Variants in CAPZB observed in about 807,000 individuals in gnomAD.
The protein encoded by CAPZB is F-actin-capping protein subunit beta.
CAPZB carries 2 observed loss-of-function variants against 38.1 expected under a neutral mutation model. The observed-to-expected ratio is 0.05, with a 90% CI of 0.02 to 0.17. CAPZB has a LOEUF of 0.17. CAPZB is among the 10% of genes least tolerant of loss of function. The probability of loss-of-function intolerance (pLI) is 1.00; values close to 1 mark genes in which losing one functional copy is unlikely to be tolerated. For synonymous variants in CAPZB, 107 were observed against 127.4 expected, an observed-to-expected ratio of 0.84 and a Z score of 1.08; for missense variants, 161 against 334.2, an observed-to-expected ratio of 0.48 and a Z score of 4.04.
At chr1:19,352,865 G>C (rs992270368) in intron 6 of CAPZB, among the ~76,000 whole-genome samples, 3 of 152,274 alleles carry the variant, frequency 2.0e-5, no homozygotes, top group African/African-American at 7.2e-5. Context: ...GTCTGGCTGT[G>C]TTCTGGCTGG....
chr1:19,413,558 TC>T (rs1219772808), intron 2 of CAPZB, among the ~76,000 whole-genome samples: 4 of 152,140 alleles, frequency 2.6e-5, no homozygotes, highest in African/African-American at 9.7e-5. Context: ...GGTCTCAAAC[TC>T]CTGAGCTCAA....
chr1:19,407,276 T>C (rs1180108961), intron 2 of CAPZB, among the ~76,000 whole-genome samples: 1 of 152,200 alleles, frequency 6.6e-6, no homozygotes, highest in African/African-American at 2.4e-5. Context: ...CACAAGCATT[T>C]TCTGCATCAG....
chr1:19,358,816 G>A (rs11805901), intron 4 of CAPZB, among the ~76,000 whole-genome samples: 1 of 152,230 alleles, frequency 6.6e-6, no homozygotes, highest in African/African-American at 2.4e-5. Flanking sequence ...CGGTGTGGCA[G>A]GTGCATTCTG....
At chr1:19,408,976 A>G (rs1229119420) in intron 2 of CAPZB, among the ~76,000 whole-genome samples, 1 of 152,224 alleles carries the variant, frequency 6.6e-6, no homozygotes, top group Non-Finnish European at 1.5e-5. Flanking sequence ...CCATTTTACC[A>G]AACACTTATG....
intron 3 of CAPZB, among the ~76,000 whole-genome samples, chr1:19,382,056 G>A (rs1464006485): frequency 2.6e-5 from 4 of 152,142 alleles, no homozygotes; most frequent in Middle Eastern, 3.4e-3. Flanking sequence ...CCCACAGTTC[G>A]ATGACAGCCA....
chr1:19,469,889 C>G (rs1266949244), intron 1 of CAPZB, among the ~76,000 whole-genome samples: 1 of 152,118 alleles, frequency 6.6e-6, no homozygotes, highest in African/African-American at 2.4e-5. Context: ...CACAGAACCA[C>G]AAGCCCAGGA....
At chr1:19,411,242 A>G (rs1384596695) in intron 2 of CAPZB, among the ~76,000 whole-genome samples, 4 of 152,220 alleles carry the variant, frequency 2.6e-5, no homozygotes. Context: ...ATTTTTTTCC[A>G]TGTAATTGAA....
Position 19,357,629 on chromosome 1 carries a change from C to G in CAPZB, c.330-66G>C. 6.5e-7 allele frequency: 1 copy of G among 1,546,654 alleles called. No homozygotes were observed. The highest frequency in any genetic ancestry group is 2.3e-5 in the East Asian group (1 of 44,430). On this transcript the variant is annotated intron_variant, in intron 4 of 8. Coordinates refer to ENST00000264202, the MANE Select transcript of CAPZB (RefSeq NM_004930.5). The surrounding 1 kb of genome is among the most constrained non-coding windows in gnomAD (Gnocchi z 4.3). ...ACAGATCATCAGCCTGGGTCCCAGG[C>G]TGCTGCTCAGCAAAGATTCTGGGAT...
At chr1:19,426,448 G>T (rs1460223730) in intron 1 of CAPZB, among the ~76,000 whole-genome samples, 1 of 152,090 alleles carries the variant, frequency 6.6e-6, no homozygotes. Context: ...TGGGGCGGGG[G>T]GGGGCTGTGT....
intron 1 of CAPZB, among the ~76,000 whole-genome samples, chr1:19,422,984 T>G (rs1379078068): frequency 1.3e-5 from 2 of 152,118 alleles, no homozygotes; most frequent in African/African-American, 4.8e-5. Flanking sequence ...AAGACACTGT[T>G]TTAACCCTTC....
chr1:19,396,031 C>A (rs2094266361), intron 2 of CAPZB, among the ~76,000 whole-genome samples: 1 of 152,234 alleles, frequency 6.6e-6, no homozygotes. Flanking sequence ...CCTAAGTCAT[C>A]CTTCAGGGTC....
At chr1:19,360,383 G>A (rs1245753090) in intron 4 of CAPZB, among the ~76,000 whole-genome samples, 2 of 152,188 alleles carry the variant, frequency 1.3e-5, no homozygotes, top group African/African-American at 2.4e-5. Flanking sequence ...CCAATAATCC[G>A]TTCTTTCCTT....
At chr1:19,339,925 T>C (rs1164227011) in intron 8 of CAPZB, among the ~76,000 whole-genome samples, 1 of 152,208 alleles carries the variant, frequency 6.6e-6, no homozygotes, top group African/African-American at 2.4e-5. Context: ...CTAAGTTCAC[T>C]CCTCTGTGTG....
rs529138299 is a variant in CAPZB, at chr1:19,354,915, C to A, written c.588+1720G>T. Among the ~76,000 whole-genome samples the A allele has an allele frequency of 2.0e-5, 3 of 152,258 alleles. No homozygotes were observed. The East Asian group carries it at 5.8e-4, about 29-fold the overall frequency. On this transcript the variant is annotated intron_variant, in intron 6 of 8. Coordinates refer to ENST00000264202, the MANE Select transcript of CAPZB (RefSeq NM_004930.5). The stretch of plus-strand genomic sequence containing the variant: ...TTGGCTGTTCCTCCCTAGCCAATGG[C>A]CCCTGGAAGATAGGAGTCCACTTCC...
chr1:19,372,499 G>C (rs1049259940), intron 4 of CAPZB, among the ~76,000 whole-genome samples: 1 of 152,210 alleles, frequency 6.6e-6, no homozygotes, highest in Non-Finnish European at 1.5e-5. Context: ...CCAGGAACCT[G>C]AAAAATCAAA....
At chr1:19,439,938 C>G (rs1472568) in intron 1 of CAPZB, among the ~76,000 whole-genome samples, 26,596 of 152,172 alleles carry the variant, frequency 0.17, 2,637 homozygotes, top group South Asian at 0.29. Context: ...TCCAGAACCT[C>G]AGCAGTCTCT....
chr1:19,429,555 G>A (rs549607932), intron 1 of CAPZB, among the ~76,000 whole-genome samples: 2 of 152,212 alleles, frequency 1.3e-5, no homozygotes, highest in African/African-American at 4.8e-5. Flanking sequence ...TCTACCTCAC[G>A]GGCCACTGGG....
At chr1:19,435,355 C>CA (rs60273953) in intron 1 of CAPZB, among the ~76,000 whole-genome samples, 12,531 of 152,018 alleles carry the variant, frequency 0.082, 1,697 homozygotes, top group African/African-American at 0.28. Flanking sequence ...CTTCCATGAG[C>CA]AAAAAGAATT....
intron 1 of CAPZB, among the ~76,000 whole-genome samples, chr1:19,460,301 G>T (rs776312981): frequency 1.3e-5 from 2 of 152,190 alleles, no homozygotes; most frequent in Non-Finnish European, 2.9e-5. Flanking sequence ...TTATGAGACG[G>T]AGTCTCGCTC....
Sources: allele counts gnomAD v4.1 joint callset (sites outside exome capture counted in the v4.1 genomes callset), GRCh38; gene constraint gnomAD v4.1.1; non-coding constraint Gnocchi (gnomAD v3.1); transcripts MANE v1.5; gene names NCBI Gene and HGNC (gene_info 2026-07-23, HGNC 2026-07-21).